The following NRCAM variants were observed in gnomAD, a reference collection of about 807,000 sequenced individuals.
The protein encoded by NRCAM is NgCAM-related cell adhesion molecule.
NRCAM carries 83 observed loss-of-function variants against 156.5 expected under a neutral mutation model. That is an observed-to-expected ratio of 0.53 (90% CI 0.44 to 0.64). NRCAM has a LOEUF of 0.64. NRCAM is among the 30% of genes least tolerant of loss of function. The pLI is 0.00. For synonymous variants in NRCAM, 538 were observed against 563.9 expected, an observed-to-expected ratio of 0.95 and a Z score of 0.65; for missense variants, 1,417 against 1,597.3, an observed-to-expected ratio of 0.89 and a Z score of 1.92.
chr7:108,281,758 A>G (rs985041921), intron 3 of NRCAM, among the ~76,000 whole-genome samples: 1 of 152,222 alleles, frequency 6.6e-6, no homozygotes, highest in Admixed American at 6.5e-5. Context: ...CCATGCCAGC[A>G]GGCCTGAGCC....
intron 1 of NRCAM, among the ~76,000 whole-genome samples, chr7:108,411,015 A>T (rs1794729607): frequency 6.6e-6 from 1 of 151,990 alleles, no homozygotes; most frequent in Admixed American, 6.6e-5. Flanking sequence ...TTTTAAAAAA[A>T]CTTTCCTTCT....
chr7:108,323,216 T>A (rs377118974), intron 2 of NRCAM, among the ~76,000 whole-genome samples: 1 of 152,348 alleles, frequency 6.6e-6, no homozygotes, highest in East Asian at 1.9e-4. Flanking sequence ...TGAATGAAGT[T>A]TGCATTTTCA....
intron 3 of NRCAM, among the ~76,000 whole-genome samples, chr7:108,259,282 G>T: frequency 6.6e-6 from 1 of 152,170 alleles, no homozygotes; most frequent in East Asian, 1.9e-4. Flanking sequence ...ATACAAATTT[G>T]CTAAATGAAC....
intron 20 of NRCAM, among the ~76,000 whole-genome samples, chr7:108,188,312 A>G (rs752775760): frequency 1.1e-4 from 17 of 151,986 alleles, no homozygotes; most frequent in Admixed American, 2.6e-4. Flanking sequence ...GAGAAGGAGA[A>G]GCAGATGGAG....
chr7:108,416,006 T>G (rs1445720747), intron 1 of NRCAM, among the ~76,000 whole-genome samples: 1 of 152,262 alleles, frequency 6.6e-6, no homozygotes, highest in East Asian at 1.9e-4. Flanking sequence ...TCTGGCTTTA[T>G]TTCTGTCATG....
chr7:108,285,488 C>A (rs1189685957), intron 3 of NRCAM, among the ~76,000 whole-genome samples: 1 of 152,120 alleles, frequency 6.6e-6, no homozygotes, highest in Non-Finnish European at 1.5e-5. Context: ...TAAAGAGAAA[C>A]AACAGAATTC....
intron 1 of NRCAM, among the ~76,000 whole-genome samples, chr7:108,451,540 A>G (rs6976776): frequency 0.25 from 37,361 of 152,008 alleles, 4,890 homozygotes; most frequent in Non-Finnish European, 0.29. Flanking sequence ...TAGCCAAAAG[A>G]TGAAAGTAAC....
intron 4 of NRCAM, 61 bp from the exon 5 acceptor site, chr7:108,237,830 T>C: frequency 7.5e-7 from 1 of 1,325,762 alleles, no homozygotes; most frequent in Non-Finnish European, 1.0e-6. Context: ...AATCAGATGT[T>C]AATAATAAGA....
intron 32 of NRCAM, 141 bp downstream of exon 32, chr7:108,159,322 C>T: frequency 1.3e-6 from 1 of 785,110 alleles, no homozygotes; most frequent in Non-Finnish European, 2.3e-6. Flanking sequence ...GACATGTAAA[C>T]ACTGATACAT....
At chr7:108,186,943 A>G (rs2067206339) in intron 20 of NRCAM, among the ~76,000 whole-genome samples, 1 of 152,208 alleles carries the variant, frequency 6.6e-6, no homozygotes, top group East Asian at 1.9e-4. Context: ...ATAAAGTTGA[A>G]CCTGTAATCT....
intron 2 of NRCAM, among the ~76,000 whole-genome samples, chr7:108,332,591 C>T (rs1472867245): frequency 2.6e-5 from 4 of 152,038 alleles, no homozygotes; most frequent in African/African-American, 9.7e-5. Flanking sequence ...AGAACGATTC[C>T]TTAAAAAAAG....
intron 30 of NRCAM, among the ~76,000 whole-genome samples, chr7:108,161,665 A>G (rs2049090708): frequency 6.6e-6 from 1 of 152,176 alleles, no homozygotes; most frequent in Non-Finnish European, 1.5e-5. Flanking sequence ...AAACATGACT[A>G]CGCATATCCC....
chr7:108,443,903 C>A (rs56249535), intron 1 of NRCAM, among the ~76,000 whole-genome samples: 2 of 100,688 alleles, frequency 2.0e-5, no homozygotes, highest in African/African-American at 6.7e-5. Flanking sequence ...TACATACATA[C>A]ATACATACAT....
chr7:108,395,615 G>A (rs1372900292), intron 2 of NRCAM, among the ~76,000 whole-genome samples: 1 of 152,196 alleles, frequency 6.6e-6, no homozygotes, highest in Admixed American at 6.5e-5. Context: ...TTCCCAATAG[G>A]AGTTTTCCCA....
intron 2 of NRCAM, among the ~76,000 whole-genome samples, chr7:108,317,162 T>C (rs1272433718): frequency 6.6e-6 from 1 of 152,202 alleles, no homozygotes; most frequent in African/African-American, 2.4e-5. Flanking sequence ...AACAGTGAAC[T>C]GTTACATGAG....
At chr7:108,300,589 A>G (rs994696761) in intron 3 of NRCAM, among the ~76,000 whole-genome samples, 2 of 152,166 alleles carry the variant, frequency 1.3e-5, no homozygotes, top group African/African-American at 4.8e-5. Flanking sequence ...CCAAAGAAAA[A>G]TGTCACATGT....
intron 19 of NRCAM, 113 bp from the exon 20 acceptor site, chr7:108,189,859 G>A (rs1219217865): frequency 5.2e-6 from 3 of 576,774 alleles, no homozygotes; most frequent in Non-Finnish European, 9.2e-6. Flanking sequence ...ACACTTGATA[G>A]TCAATGAGCA....
At chr7:108,450,274 C>CT (rs1014186099) in intron 1 of NRCAM, among the ~76,000 whole-genome samples, 26 of 133,796 alleles carry the variant, frequency 1.9e-4, no homozygotes, top group African/African-American at 7.1e-4. Flanking sequence ...TTTTTTTTAT[C>CT]TTCACTAGCT....
At chr7:108,441,759 G>T (rs1307091637) in intron 1 of NRCAM, among the ~76,000 whole-genome samples, 1 of 152,164 alleles carries the variant, frequency 6.6e-6, no homozygotes, top group African/African-American at 2.4e-5. Context: ...CTTTGACCGT[G>T]GGCCAAATCT....
Sources: gnomAD v4.1 joint callset for allele counts (sites outside exome capture counted in the v4.1 genomes callset) on GRCh38, gnomAD v4.1.1 for gene constraint, MANE v1.5 for transcripts, NCBI Gene and HGNC (gene_info 2026-07-23, HGNC 2026-07-21) for gene names.